CD44: variants seen among roughly 807,000 people sequenced by gnomAD.
CD44 encodes the protein CD44 antigen.
In CD44, 49 loss-of-function variants were observed where a neutral mutation model predicts 88.8. The observed-to-expected ratio is 0.55, with a 90% CI of 0.44 to 0.70. CD44 has a LOEUF of 0.70. Ranked by LOEUF, CD44 falls within the 30% of genes least tolerant of loss-of-function variation. The pLI, the probability that CD44 is intolerant of heterozygous loss-of-function variation, is 0.00. For synonymous variants in CD44, 325 were observed against 312.3 expected, an observed-to-expected ratio of 1.04 and a Z score of -0.43; for missense variants, 883 against 913.8, an observed-to-expected ratio of 0.97 and a Z score of 0.43.
At chr11:35,200,179 T>G (rs78771498) in intron 7 of CD44, among the ~76,000 whole-genome samples, 3,658 of 152,188 alleles carry the variant, frequency 0.024, 70 homozygotes, top group Non-Finnish European at 0.039. Flanking sequence ...GCTGACAGTA[T>G]TATAGTTCTG....
chr11:35,176,254 G>A (rs1033051512), intron 1 of CD44, among the ~76,000 whole-genome samples: 2 of 152,092 alleles, frequency 1.3e-5, no homozygotes, highest in African/African-American at 4.8e-5. Context: ...GTGTTAGCCA[G>A]GATGGTCTCG....
At chr11:35,153,665 G>C (rs530915837) in intron 1 of CD44, among the ~76,000 whole-genome samples, 32 of 152,352 alleles carry the variant, frequency 2.1e-4, no homozygotes, top group African/African-American at 7.7e-4. Context: ...CTGGAAGACA[G>C]ACAGTAAACA....
At chr11:35,228,484 C>T (rs1949867063) in intron 17 of CD44, among the ~76,000 whole-genome samples, 1 of 152,196 alleles carries the variant, frequency 6.6e-6, no homozygotes, top group Non-Finnish European at 1.5e-5. Flanking sequence ...GAATGATTTA[C>T]AATCATCATG....
chr11:35,195,161 G>T (rs550774051), intron 5 of CD44, among the ~76,000 whole-genome samples: 13 of 152,156 alleles, frequency 8.5e-5, no homozygotes, highest in Non-Finnish European at 1.5e-4. Flanking sequence ...ACGATTCAAG[G>T]CCTGTAAATA....
intron 1 of CD44, among the ~76,000 whole-genome samples, chr11:35,153,667 C>T: frequency 6.6e-6 from 1 of 152,204 alleles, no homozygotes; most frequent in East Asian, 1.9e-4. Context: ...GGAAGACAGA[C>T]AGTAAACAAC....
At chr11:35,151,208 GGAGGGGTCT>G (rs1435411995) in intron 1 of CD44, among the ~76,000 whole-genome samples, 12 of 152,216 alleles carry the variant, frequency 7.9e-5, no homozygotes, top group African/African-American at 2.9e-4. Context: ...TGGGGCCAGG[GGAGGGGTCT>G]GTCTGCTTGG....
intron 10 of CD44, chr11:35,204,907 G>T (rs1399829419): frequency 2.8e-6 from 1 of 351,974 alleles, no homozygotes; most frequent in Admixed American, 4.5e-5. Context: ...ATCGAGTTTT[G>T]GGCATCATCT....
chr11:35,218,871 A>C (rs1949057845), intron 15 of CD44: 1 of 158,340 alleles, frequency 6.3e-6, no homozygotes, highest in African/African-American at 2.4e-5. Flanking sequence ...ACAACCACAC[A>C]CAACTACCAA....
Position 35,176,721 on chromosome 11 carries a change from A to G in CD44, c.214A>G (p.Ile72Val). Residue 72 changes from isoleucine (I) to valine (V), a missense_variant, in exon 2 of 18, where the codon ATC (isoleucine) becomes GTC (valine). Around this residue, in one of 2 missense-constraint regions of CD44, gnomAD observed 252 missense variants for 322.9 expected, o/e 0.78. Coordinates refer to ENST00000428726, the MANE Select transcript of CD44 (RefSeq NM_000610.4). ...TMAQMEKALSIGFETCRYGFI... is the reference protein window; with the variant it reads ...TMAQMEKALSVGFETCRYGFI... ...GGCCCAGATGGAGAAAGCTCTGAGC[A>G]TCGGATTTGAGACCTGCAGGTAAGA... 6.2e-7 allele frequency: 1 copy of G among 1,613,926 alleles called. No homozygotes were observed.
intron 17 of CD44, among the ~76,000 whole-genome samples, chr11:35,224,334 C>T (rs1007763732): frequency 1.3e-5 from 2 of 152,170 alleles, no homozygotes; most frequent in East Asian, 3.9e-4. Flanking sequence ...TTACAGCTCT[C>T]CAAGAGAAAT....
At position 35,223,198 on chromosome 11, in the gene CD44, A is replaced by AT. The variant is rs11384802; in HGVS notation, c.2024+1474dup. ...AGGCCGCCTATGATTGAATGGAAAG[A>AT]TTTTTTTTAGTTGAATTTAAATAAT... On this transcript the variant is annotated intron_variant, in intron 17 of 17. Transcript: ENST00000428726. 8.3e-3 allele frequency: 8,154 copies of AT among 985,042 alleles called. 436 individuals carry two copies. In the African/African-American group the frequency reaches 0.12, roughly 15 times the overall value. 61.0% of individuals were successfully genotyped at this position (985,042 alleles called of 1,614,324 possible).
intron 1 of CD44, among the ~76,000 whole-genome samples, chr11:35,147,006 T>C (rs1396050149): frequency 6.6e-6 from 1 of 152,202 alleles, no homozygotes; most frequent in Non-Finnish European, 1.5e-5. Context: ...TTCCATGTGA[T>C]GGAAAGTTGA....
intron 7 of CD44, among the ~76,000 whole-genome samples, chr11:35,199,670 G>A (rs1313908296): frequency 6.6e-6 from 1 of 151,736 alleles, no homozygotes; most frequent in Non-Finnish European, 1.5e-5. Context: ...TTTTAGACCC[G>A]ACACCCCTCC....
rs1947828148 is a variant in CD44 at position 35,206,251 on chromosome 11, C to T, written c.1414+8C>T. 6.3e-7 allele frequency: 1 copy of T among 1,586,954 alleles called. No individual in the cohort carries two copies. The highest frequency in any genetic ancestry group is 1.9e-5 in the Admixed American group (1 of 52,752). On this transcript the variant is annotated splice_region_variant and intron_variant, in intron 11 of 17. Transcript: ENST00000428726. ...AAGCAGGAAGAAGGATGGGTAATAG[C>T]CTCTGAGATTTTTATATATTATGTT...
chr11:35,187,706 TA>T (rs1318072800), intron 4 of CD44, among the ~76,000 whole-genome samples: 1 of 152,222 alleles, frequency 6.6e-6, no homozygotes, highest in Non-Finnish European at 1.5e-5. Context: ...GTGTCAGGTG[TA>T]GGGGCATTTT....
intron 1 of CD44, among the ~76,000 whole-genome samples, chr11:35,167,770 C>T (rs1943456065): frequency 2.0e-5 from 3 of 152,168 alleles, no homozygotes; most frequent in South Asian, 4.1e-4. Context: ...GCAGACATCT[C>T]GTAATGTCAC....
rs1071695 is a variant in CD44 at position 35,180,295 on chromosome 11, C to A, written c.255C>A (p.His85Gln). The stretch of plus-strand genomic sequence containing the variant: ...ACAGGTATGGGTTCATAGAAGGGCA[C>A]GTGGTGATTCCCCGGATCCACCCCA... ...ETCRYGFIEG[H>Q]VVIPRIHPNS... Residue 85 changes from histidine (H) to glutamine (Q), a missense_variant, in exon 3 of 18, where the codon CAC becomes CAA. By Grantham distance (24) the His-to-Gln change is conservative. Transcript: ENST00000428726. 2.7e-5 allele frequency: 43 copies of A among 1,613,782 alleles called. No individual in the cohort carries two copies. The highest frequency in any genetic ancestry group is 2.9e-5 in the Non-Finnish European group (34 of 1,179,908).
At chr11:35,190,133 G>A (rs1468799652) in intron 5 of CD44, 68 bp downstream of exon 5, 1 of 1,325,384 alleles carries the variant, frequency 7.5e-7, no homozygotes, top group East Asian at 2.3e-5. Flanking sequence ...ACCTTCCTGA[G>A]CATTGCACAC....
intron 16 of CD44, among the ~76,000 whole-genome samples, chr11:35,219,644 A>G (rs975952302): frequency 6.6e-6 from 1 of 152,240 alleles, no homozygotes; most frequent in Non-Finnish European, 1.5e-5. Context: ...CCTGTCCCAG[A>G]GAAGTGCCAT....
Sources: gnomAD v4.1 joint callset for allele counts (sites outside exome capture counted in the v4.1 genomes callset) on GRCh38, gnomAD v4.1.1 for gene constraint, gnomAD v4.1.1 regional missense constraint, MANE v1.5 for transcripts, NCBI Gene and HGNC (gene_info 2026-07-23, HGNC 2026-07-21) for gene names.